The following FOXP1 variants were observed in gnomAD, a reference collection of about 807,000 sequenced individuals.
FOXP1 encodes the protein forkhead box P1.
FOXP1 carries 15 observed loss-of-function variants against 98.2 expected under a neutral mutation model. The ratio of observed to expected loss-of-function variants is 0.15; its 90% CI spans 0.10 to 0.24. The LOEUF (loss-of-function observed/expected upper bound fraction) is 0.24. Among genes scored for constraint, FOXP1 ranks in the 10% least tolerant of loss-of-function variants. FOXP1 has a pLI of 1.00. For synonymous variants in FOXP1, 371 were observed against 314.5 expected (o/e 1.18, Z -1.90); for missense variants, 633 against 848.5 (o/e 0.75, Z 3.15).
At chr3:71,491,230 G>A (rs2091038961) in intron 3 of FOXP1, among the ~76,000 whole-genome samples, 1 of 152,106 alleles carries the variant, frequency 6.6e-6, no homozygotes, top group African/African-American at 2.4e-5. Flanking sequence ...TGGTCAGGCT[G>A]GTCTTGAACT....
chr3:71,432,326 T>C (rs1007362179), intron 3 of FOXP1, among the ~76,000 whole-genome samples: 3 of 152,066 alleles, frequency 2.0e-5, no homozygotes, highest in Non-Finnish European at 4.4e-5. Flanking sequence ...GATTTTTCCA[T>C]CTCCTCCCCG....
rs1190763850 is a variant in FOXP1 at position 71,385,649 on chromosome 3, C to T, written c.-167-26405G>A. ...ATACATATGAATGTATATAGGAATA[C>T]ATATATAAATATGTACATGAATATG... is the stretch of plus-strand genomic sequence containing the variant. On this transcript the variant is annotated intron_variant, in intron 3 of 20. Coordinates refer to ENST00000649528, the MANE Select transcript of FOXP1 (RefSeq NM_001349338.3). Among the ~76,000 whole-genome samples, 3 of 152,116 alleles carry T rather than the reference C, an allele frequency of 2.0e-5. No individual in the cohort carries two copies. In the East Asian group the frequency reaches 5.8e-4, roughly 29 times the overall value.
chr3:70,961,957 C>T (rs1326363122), intron 20 of FOXP1, among the ~76,000 whole-genome samples: 1 of 152,058 alleles, frequency 6.6e-6, no homozygotes, highest in Non-Finnish European at 1.5e-5. Context: ...GCATGAGATC[C>T]TATGTGACTG....
At chr3:71,254,342 A>C (rs928266329) in intron 5 of FOXP1, among the ~76,000 whole-genome samples, 1 of 152,192 alleles carries the variant, frequency 6.6e-6, no homozygotes, top group African/African-American at 2.4e-5. Context: ...GGTTGGGCAC[A>C]CAAAAATAAA....
At chr3:71,243,431 C>T (rs1403897260) in intron 5 of FOXP1, among the ~76,000 whole-genome samples, 3 of 152,146 alleles carry the variant, frequency 2.0e-5, no homozygotes, top group South Asian at 2.1e-4. Context: ...ACTCGAGTCC[C>T]GTGCTGAAGC....
At chr3:71,521,527 A>G (rs970753228) in intron 2 of FOXP1, among the ~76,000 whole-genome samples, 2 of 147,842 alleles carry the variant, frequency 1.4e-5, no homozygotes, top group African/African-American at 4.9e-5. Context: ...ACCCTGTCTC[A>G]AAAAAAAAAG....
chr3:71,010,265 G>T (rs1373154289), intron 12 of FOXP1, among the ~76,000 whole-genome samples: 1 of 152,036 alleles, frequency 6.6e-6, no homozygotes, highest in Non-Finnish European at 1.5e-5. Context: ...CTCTAACCAG[G>T]CTGTATAATG....
At chr3:71,311,892 T>C (rs1161027724) in intron 4 of FOXP1, among the ~76,000 whole-genome samples, 1 of 152,216 alleles carries the variant, frequency 6.6e-6, no homozygotes, top group East Asian at 1.9e-4. Flanking sequence ...CTAAATTCCC[T>C]GATATCTGCA....
intron 4 of FOXP1, among the ~76,000 whole-genome samples, chr3:71,348,578 T>C (rs933910466): frequency 3.3e-5 from 5 of 149,516 alleles, no homozygotes; most frequent in Non-Finnish European, 7.5e-5. Context: ...TATGCATGTG[T>C]GTATAAGTCA....
At chr3:71,393,137 G>A (rs1577273900) in intron 3 of FOXP1, among the ~76,000 whole-genome samples, 1 of 152,188 alleles carries the variant, frequency 6.6e-6, no homozygotes, top group South Asian at 2.1e-4. Context: ...AAGTAGGTTT[G>A]AATGTGAATC....
At chr3:71,466,337 A>G (rs1353204687) in intron 3 of FOXP1, among the ~76,000 whole-genome samples, 2 of 152,168 alleles carry the variant, frequency 1.3e-5, no homozygotes, top group East Asian at 1.9e-4. Flanking sequence ...TTCCCCAGCT[A>G]TTTGTCAACT....
At chr3:71,522,551 A>G (rs1218453466) in intron 2 of FOXP1, among the ~76,000 whole-genome samples, 1 of 152,214 alleles carries the variant, frequency 6.6e-6, no homozygotes, top group Non-Finnish European at 1.5e-5. Flanking sequence ...AAGACAGAAA[A>G]GGTACTGGCC....
chr3:71,458,379 G>C (rs995150193), intron 3 of FOXP1, among the ~76,000 whole-genome samples: 2 of 152,170 alleles, frequency 1.3e-5, no homozygotes, highest in Non-Finnish European at 2.9e-5. Flanking sequence ...CACATGTCAA[G>C]CTATAAAGAA....
rs2032212628 is a variant in FOXP1, at chr3:70,957,955, C to A, written c.*1292G>T. The stretch of plus-strand genomic sequence containing the variant: ...TATAAACTCAGCGCCGCCGCCGCCA[C>A]CCCTACTTTCAGGGCAGCTGCTCGG... On this transcript the variant is annotated 3_prime_UTR_variant, in exon 21 of 21. Coordinates refer to ENST00000649528, the MANE Select transcript of FOXP1 (RefSeq NM_001349338.3). 8.1e-6 allele frequency: 2 copies of A among 246,054 alleles called. No homozygotes were observed. The highest frequency in any genetic ancestry group is 5.3e-5 in the Admixed American group (1 of 18,950). The allele number at this position is 246,054 out of a possible 1,614,324, so 15.2% of individuals were successfully genotyped here. A position where few individuals can be genotyped will look rare whatever the true frequency, so the allele number is the denominator to read the frequency against.
intron 5 of FOXP1, among the ~76,000 whole-genome samples, chr3:71,255,874 A>G (rs1418502063): frequency 6.6e-6 from 1 of 152,230 alleles, no homozygotes; most frequent in Non-Finnish European, 1.5e-5. Flanking sequence ...AAGTAAATGA[A>G]CATGAAATTA....
intron 3 of FOXP1, among the ~76,000 whole-genome samples, chr3:71,427,749 A>G (rs981080073): frequency 1.3e-5 from 2 of 152,232 alleles, no homozygotes; most frequent in Admixed American, 1.3e-4. Context: ...TGAGGGGTCA[A>G]AAACAATAAA....
intron 7 of FOXP1, among the ~76,000 whole-genome samples, chr3:71,111,493 G>A (rs988176354): frequency 1.3e-5 from 2 of 152,148 alleles, no homozygotes; most frequent in Non-Finnish European, 2.9e-5. Context: ...CACCTCCCGG[G>A]TTCAAGCGAT....
chr3:71,286,114 A>C (rs1024626430), intron 5 of FOXP1, among the ~76,000 whole-genome samples: 14 of 152,148 alleles, frequency 9.2e-5, no homozygotes, highest in Non-Finnish European at 1.5e-5. Flanking sequence ...CACTTCTCCT[A>C]CTTTATCTGC....
chr3:71,049,291 TA>T (rs2049498883), intron 9 of FOXP1, among the ~76,000 whole-genome samples: 1 of 152,140 alleles, frequency 6.6e-6, no homozygotes, highest in African/African-American at 2.4e-5. Flanking sequence ...ACGGCCCTTT[TA>T]AAACAATCAA....
Sources: gnomAD v4.1 joint callset for allele counts (sites outside exome capture counted in the v4.1 genomes callset) on GRCh38, gnomAD v4.1.1 for gene constraint, MANE v1.5 for transcripts, NCBI Gene and HGNC (gene_info 2026-07-23, HGNC 2026-07-21) for gene names.